The following MECOM variants were observed in gnomAD, a reference collection of about 807,000 sequenced individuals.
The protein encoded by MECOM is histone-lysine N-methyltransferase MECOM.
A neutral mutation model predicts 116.3 loss-of-function variants in MECOM; 13 were observed. That is an observed-to-expected ratio of 0.11 (90% CI 0.07 to 0.18). The LOEUF is 0.18. Ranked by LOEUF, MECOM falls within the 10% of genes least tolerant of loss-of-function variation. MECOM has a pLI of 1.00. For missense variants in MECOM, 1,299 were observed against 1,509.0 expected, an observed-to-expected ratio of 0.86 and a Z score of 2.31; for synonymous variants, 528 against 535.2, an observed-to-expected ratio of 0.99 and a Z score of 0.19.
intron 1 of MECOM, among the ~76,000 whole-genome samples, chr3:169,416,672 A>T: frequency 6.6e-6 from 1 of 152,156 alleles, no homozygotes; most frequent in East Asian, 1.9e-4. Flanking sequence ...CAAATCAAAT[A>T]GGCACAATAA....
Position 169,472,633 on chromosome 3 carries a change from A to AAAAGAAAAGAAAAGAAAAGAAAAGG in MECOM, c.38-91110_38-91109insCCTTTTCTTTTCTTTTCTTTTCTTT, listed in dbSNP as rs1749680508. ...GAAAGGAAAGAAAAGAAAAGAAAAG[A>AAAAGAAAAGAAAAGAAAAGAAAAGG]AAAGGAAAGGAAAGGAAAAGAAAAG... On this transcript the variant is annotated intron_variant, in intron 1 of 16. Transcript: ENST00000651503. 6.6e-4 allele frequency among the ~76,000 whole-genome samples: 40 copies of AAAAGAAAAGAAAAGAAAAGAAAAGG among 60,302 alleles called. 1 individual carries two copies. The highest frequency in any genetic ancestry group is 4.1e-3 in the Admixed American group (22 of 5,316). The allele number at this position is 60,302 out of a possible 152,430, so 39.6% of individuals were successfully genotyped here.
At chr3:169,633,086 A>G (rs1442639941) in intron 1 of MECOM, among the ~76,000 whole-genome samples, 1 of 152,152 alleles carries the variant, frequency 6.6e-6, no homozygotes, top group African/African-American at 2.4e-5. Context: ...GCAACACTGA[A>G]TCCTGTGAAC....
chr3:169,298,171 T>C lies in MECOM; in HGVS notation c.375+83016A>G, dbSNP rs562611531. ...ATCTCTGTGTTATAAAAATGTCTTTTATTTACGGAGTGGATTAGCTTTATG... is the reference window on the plus strand; with the variant it reads ...ATCTCTGTGTTATAAAAATGTCTTTCATTTACGGAGTGGATTAGCTTTATG... On this transcript the variant is annotated intron_variant, in intron 2 of 16. Coordinates refer to ENST00000651503, the MANE Select transcript of MECOM (RefSeq NM_004991.4). 3.9e-5 allele frequency among the ~76,000 whole-genome samples: 6 copies of C among 152,320 alleles called. No individual in the cohort carries two copies. The East Asian group carries it at 1.2e-3, about 29-fold the overall frequency.
At chr3:169,545,558 T>C (rs73028320) in intron 1 of MECOM, among the ~76,000 whole-genome samples, 5,311 of 152,280 alleles carry the variant, frequency 0.035, 316 homozygotes, top group African/African-American at 0.12. Context: ...ATTAAATGAA[T>C]AATAACTTTT....
At chr3:169,323,468 G>A (rs1021470375) in intron 2 of MECOM, among the ~76,000 whole-genome samples, 2 of 152,184 alleles carry the variant, frequency 1.3e-5, no homozygotes, top group African/African-American at 4.8e-5. Flanking sequence ...GACGGCCTAT[G>A]AATTAGAGAA....
chr3:169,557,615 G>T (rs1236754146), intron 1 of MECOM, among the ~76,000 whole-genome samples: 1 of 152,122 alleles, frequency 6.6e-6, no homozygotes, highest in African/African-American at 2.4e-5. Context: ...ATTCTCAAAG[G>T]ATTAGTACTA....
At chr3:169,571,523 C>T (rs1763905452) in intron 1 of MECOM, among the ~76,000 whole-genome samples, 1 of 152,092 alleles carries the variant, frequency 6.6e-6, no homozygotes, top group Non-Finnish European at 1.5e-5. Context: ...AAATAGAGCC[C>T]GTACAGCCAA....
At chr3:169,632,937 C>T (rs752155338) in intron 1 of MECOM, among the ~76,000 whole-genome samples, 2 of 152,188 alleles carry the variant, frequency 1.3e-5, no homozygotes, top group Admixed American at 6.5e-5. Flanking sequence ...ACACTAGGTT[C>T]ATTGTATCAC....
At chr3:169,662,508 C>A (rs531103363) in intron 1 of MECOM, among the ~76,000 whole-genome samples, 1 of 152,242 alleles carries the variant, frequency 6.6e-6, no homozygotes, top group South Asian at 2.1e-4. Flanking sequence ...CGAGCGCTCG[C>A]TGGGCCTCTT....
At chr3:169,404,131 A>AAAG (rs1736290786) in intron 1 of MECOM, among the ~76,000 whole-genome samples, 1 of 152,170 alleles carries the variant, frequency 6.6e-6, no homozygotes, top group Non-Finnish European at 1.5e-5. Context: ...TTTCTATAGA[A>AAAG]CTAGACCCTA....
chr3:169,659,998 ATGCAACTC>A (rs896860130), intron 1 of MECOM, among the ~76,000 whole-genome samples: 3 of 152,144 alleles, frequency 2.0e-5, no homozygotes, highest in Non-Finnish European at 4.4e-5. Flanking sequence ...GAGTTACTGG[ATGCAACTC>A]GTTCTCTGCT....
chr3:169,265,322 C>A (rs536023533), intron 2 of MECOM, among the ~76,000 whole-genome samples: 5 of 152,280 alleles, frequency 3.3e-5, no homozygotes, highest in South Asian at 2.1e-4. Flanking sequence ...GAGGACCGAC[C>A]TTGCTGTGTG....
At chr3:169,095,481 A>G (rs138429723) in intron 12 of MECOM, among the ~76,000 whole-genome samples, 260 of 152,322 alleles carry the variant, frequency 1.7e-3, no homozygotes, top group African/African-American at 5.6e-3. Flanking sequence ...GATTGCTCCC[A>G]AATTCATTAA....
At chr3:169,197,654 T>G (rs1202685963) in intron 2 of MECOM, among the ~76,000 whole-genome samples, 2 of 151,978 alleles carry the variant, frequency 1.3e-5, no homozygotes, top group African/African-American at 4.8e-5. Context: ...AAAGTGCTCC[T>G]GTGAATGATC....
Position 169,303,836 on chromosome 3 carries a change from T to C in MECOM, c.375+77351A>G, listed in dbSNP as rs1560108183. Among the ~76,000 whole-genome samples, 3 of 152,232 alleles carry C rather than the reference T, an allele frequency of 2.0e-5. No homozygotes were observed. In the South Asian group the frequency reaches 6.2e-4, roughly 31 times the overall value. ...TGGTTTTTAGTTTATCTTCTTTCCT[T>C]TGGCTATATTGGCCTAATGCCAAAT... On this transcript the variant is annotated intron_variant, in intron 2 of 16. Coordinates refer to ENST00000651503, the MANE Select transcript of MECOM (RefSeq NM_004991.4).
intron 3 of MECOM, among the ~76,000 whole-genome samples, chr3:169,138,697 G>A (rs1737139236): frequency 6.6e-6 from 1 of 152,082 alleles, no homozygotes; most frequent in South Asian, 2.1e-4. Context: ...CCTTGTAAAG[G>A]AAGAGCAAAT....
At position 169,143,826 on chromosome 3, in the gene MECOM, C is replaced by G; in HGVS notation, c.382G>C (p.Asp128His). The stretch of plus-strand genomic sequence containing the variant: ...CAGAACTTCACATTGTAAAATTCGT[C>G]TAAGATCTGGAGGGAAGAAGATGAG... ...KDPSYGWEIL[D>H]EFYNVKFCID... Residue 128 changes from aspartate (D) to histidine (H), a missense_variant, in exon 3 of 17, where the codon GAC (aspartate) becomes CAC (histidine). Asp to His is a moderately conservative substitution (Grantham distance 81, BLOSUM62 -1). Transcript: ENST00000651503. The G allele has an allele frequency of 6.2e-7, 1 of 1,604,644 alleles. No homozygotes were observed. The highest frequency in any genetic ancestry group is 1.7e-4 in the Middle Eastern group (1 of 6,040).
chr3:169,640,394 A>G (rs115193899), intron 1 of MECOM, among the ~76,000 whole-genome samples: 1 of 152,240 alleles, frequency 6.6e-6, no homozygotes, highest in Non-Finnish European at 1.5e-5. Flanking sequence ...GTCTGTCACC[A>G]TTCTAAAATT....
Position 169,637,970 on chromosome 3 carries a change from C to T in MECOM, c.37+25366G>A, listed in dbSNP as rs370397263. On this transcript the variant is annotated intron_variant, in intron 1 of 16. Coordinates refer to ENST00000651503, the MANE Select transcript of MECOM (RefSeq NM_004991.4). The stretch of plus-strand genomic sequence containing the variant: ...AACAAACAAATGATTAAAACTTCAA[C>T]ATGGAATGCAGTAATAAAGAAGCAA... Among the ~76,000 whole-genome samples the T allele has an allele frequency of 1.3e-4, 20 of 152,234 alleles. No homozygotes were observed. In the South Asian group the frequency reaches 3.3e-3, roughly 25 times the overall value.
Sources: gnomAD v4.1 joint callset for allele counts (sites outside exome capture counted in the v4.1 genomes callset) on GRCh38, gnomAD v4.1.1 for gene constraint, MANE v1.5 for transcripts, NCBI Gene and HGNC (gene_info 2026-07-23, HGNC 2026-07-21) for gene names.